PCDHA7: variants seen among roughly 807,000 people sequenced by gnomAD.
PCDHA7 encodes the protein protocadherin alpha 7, also known as protocadherin alpha-7.
In PCDHA7, 37 loss-of-function variants were observed where a neutral mutation model predicts 57.2. The ratio of observed to expected loss-of-function variants is 0.65; its 90% CI spans 0.50 to 0.85. The LOEUF (loss-of-function observed/expected upper bound fraction) is 0.85. PCDHA7 is among the 40% of genes least tolerant of loss of function. The probability of loss-of-function intolerance (pLI) is 0.00; values close to 1 mark genes in which losing one functional copy is unlikely to be tolerated. For missense variants in PCDHA7, 1,188 were observed against 1,241.8 expected, an observed-to-expected ratio of 0.96 and a Z score of 0.65; for synonymous variants, 553 against 558.8, an observed-to-expected ratio of 0.99 and a Z score of 0.15.
intron 3 of PCDHA7, among the ~76,000 whole-genome samples, chr5:140,994,116 T>C: frequency 6.6e-6 from 1 of 152,196 alleles, no homozygotes; most frequent in East Asian, 1.9e-4. Context: ...CATTGTCATG[T>C]GATAAGGGCG....
chr5:140,916,492 C>T (rs1310558218), intron 1 of PCDHA7, among the ~76,000 whole-genome samples: 2 of 152,170 alleles, frequency 1.3e-5, no homozygotes, highest in Admixed American at 6.5e-5. Context: ...GCTCTTTAGT[C>T]AGCAGGTGAT....
intron 1 of PCDHA7, chr5:140,849,905 G>C: frequency 6.3e-7 from 1 of 1,598,320 alleles, no homozygotes; most frequent in Non-Finnish European, 8.6e-7. Flanking sequence ...ACAACCCGCC[G>C]GGCTGCCACA....
At chr5:140,877,503 G>T in intron 1 of PCDHA7, 1 of 1,613,834 alleles carries the variant, frequency 6.2e-7, no homozygotes. Flanking sequence ...AGGCCCCAAA[G>T]ACGTCGTCGC....
At chr5:140,850,951 T>C in intron 1 of PCDHA7, 1 of 1,500,264 alleles carries the variant, frequency 6.7e-7, no homozygotes. Flanking sequence ...TATTATCGAT[T>C]ACTCCCAGGG....
At position 140,843,462 on chromosome 5, in the gene PCDHA7, C is replaced by A. The variant is rs557665140; in HGVS notation, c.2355+6724C>A. The A allele has an allele frequency of 3.1e-6, 5 of 1,595,930 alleles. 1 individual carries two copies. In the African/African-American group the frequency reaches 5.4e-5, roughly 17 times the overall value. On this transcript the variant is annotated intron_variant, in intron 1 of 3. Coordinates refer to ENST00000525929, the MANE Select transcript of PCDHA7 (RefSeq NM_018910.3). ...GCGGTATCCAGCCTGCTGGTGCTCACGCTGCTGCTGTACACTGCGCTGCGG... is the reference window on the plus strand; with the variant it reads ...GCGGTATCCAGCCTGCTGGTGCTCAAGCTGCTGCTGTACACTGCGCTGCGG...
rs1437399739 is a variant in PCDHA7, at chr5:140,853,000, TC to T, written c.2355+16265del. 9.7e-6 allele frequency: 3 copies of T among 308,008 alleles called. No homozygotes were observed. The East Asian group carries it at 5.1e-4, about 53-fold the overall frequency. 19.1% of individuals were successfully genotyped at this position (308,008 alleles called of 1,614,324 possible). ...TTCACGCCATTCTCCTGCCTCAGCC[TC>T]CCGAGTAGCTGGGACTACAGGCGCC... On this transcript the variant is annotated intron_variant, in intron 1 of 3. Transcript: ENST00000525929.
At chr5:140,990,084 C>T (rs31873) in intron 3 of PCDHA7, among the ~76,000 whole-genome samples, 3,615 of 152,028 alleles carry the variant, frequency 0.024, 147 homozygotes, top group African/African-American at 0.081. Flanking sequence ...ACAAAGGATG[C>T]TTGTGCTACT....
rs2150502964 is a variant in PCDHA7 at position 140,850,934 on chromosome 5, T to C, written c.2355+14196T>C. On this transcript the variant is annotated intron_variant, in intron 1 of 3. Transcript: ENST00000525929. ...TATTTATTTATATAATTTTTTTTCTTGAAAGATATTATCGATTACTCCCAG... is the reference window on the plus strand; with the variant it reads ...TATTTATTTATATAATTTTTTTTCTCGAAAGATATTATCGATTACTCCCAG... 3.0e-5 allele frequency: 45 copies of C among 1,514,272 alleles called. 2 individuals are homozygous for C. The South Asian group carries it at 5.0e-4, about 17-fold the overall frequency. The allele number at this position is 1,514,272 out of a possible 1,614,324, so 93.8% of individuals were successfully genotyped here.
At chr5:140,928,506 A>G (rs1554205940) in intron 1 of PCDHA7, 4 of 1,614,090 alleles carry the variant, frequency 2.5e-6, no homozygotes, top group African/African-American at 1.3e-5. Context: ...GAAGTGCAAC[A>G]GTGACTATAA....
At chr5:140,964,753 T>A (rs1411001872) in intron 1 of PCDHA7, among the ~76,000 whole-genome samples, 1 of 149,084 alleles carries the variant, frequency 6.7e-6, no homozygotes, top group East Asian at 1.9e-4. Context: ...TGTAGGGATG[T>A]TTGGGGAGGA....
At position 140,854,083 on chromosome 5, in the gene PCDHA7, G is replaced by T. The variant is rs545797216; in HGVS notation, c.2355+17345G>T. 8.5e-5 allele frequency: 23 copies of T among 269,910 alleles called. No individual in the cohort carries two copies. The East Asian group carries it at 3.2e-3, about 37-fold the overall frequency. The allele number at this position is 269,910 out of a possible 1,614,324, so 16.7% of individuals were successfully genotyped here. ...AGGCTGAGGCGAGAGAATCGCTTGA[G>T]CCTGGGACATTGAGGCTGCAGTGAA... On this transcript the variant is annotated intron_variant, in intron 1 of 3. Transcript: ENST00000525929.
chr5:141,006,067 A>G (rs1202024176), intron 3 of PCDHA7, among the ~76,000 whole-genome samples: 4 of 151,950 alleles, frequency 2.6e-5, no homozygotes, highest in Admixed American at 6.6e-5. Flanking sequence ...AGAAATAAAA[A>G]TCAGATTATT....
In PCDHA7 at chr5:140,877,219, C is replaced by T. The variant is rs200698690; in HGVS notation, c.2355+40481C>T. 9 of 1,613,720 alleles carry T rather than the reference C, an allele frequency of 5.6e-6. No homozygotes were observed. Among genetic ancestry groups the T allele is most frequent in the East Asian group, 4.5e-5 (2 of 44,860 alleles). Reference sequence around the variant, plus strand: ...AGGCGCAGTTAGCGAGTTGGTACCGCGGTCGGTGGGTGCGGGCCACGTGGT... The same window carrying T: ...AGGCGCAGTTAGCGAGTTGGTACCGTGGTCGGTGGGTGCGGGCCACGTGGT... On this transcript the variant is annotated intron_variant, in intron 1 of 3. Transcript: ENST00000525929.
chr5:140,877,767 C>T, intron 1 of PCDHA7: 1 of 1,614,166 alleles, frequency 6.2e-7, no homozygotes, highest in Non-Finnish European at 8.5e-7. Context: ...AGAGCCCGCC[C>T]AAGACGGACC....
intron 1 of PCDHA7, among the ~76,000 whole-genome samples, chr5:140,888,197 C>G (rs190439070): frequency 4.6e-5 from 7 of 152,044 alleles, no homozygotes; most frequent in Non-Finnish European, 8.8e-5. Flanking sequence ...TTTACATTGT[C>G]GGATGCTGGA....
At chr5:141,000,643 G>A (rs2097954450) in intron 3 of PCDHA7, among the ~76,000 whole-genome samples, 1 of 151,102 alleles carries the variant, frequency 6.6e-6, no homozygotes, top group Non-Finnish European at 1.5e-5. Context: ...GGGCAGGCTG[G>A]TCTCGAACTC....
intron 1 of PCDHA7, among the ~76,000 whole-genome samples, chr5:140,936,282 T>C (rs781971653): frequency 6.6e-6 from 1 of 152,250 alleles, no homozygotes; most frequent in Non-Finnish European, 1.5e-5. Context: ...CTGTGTTTTC[T>C]TCTATAACAT....
intron 1 of PCDHA7, 28 bp downstream of exon 1, chr5:140,836,766 C>A (rs2150269669): frequency 6.4e-7 from 1 of 1,562,092 alleles, no homozygotes; most frequent in South Asian, 1.2e-5. Flanking sequence ...TTGTTTCCAA[C>A]AATTTTAAAA....
intron 1 of PCDHA7, chr5:140,927,901 GC>G (rs1423958386): frequency 3.1e-6 from 5 of 1,614,084 alleles, no homozygotes; most frequent in Non-Finnish European, 4.2e-6. Context: ...GAACGATCAT[GC>G]CCCCGAACTG....
Sources: gnomAD v4.1 joint callset for allele counts (sites outside exome capture counted in the v4.1 genomes callset) on GRCh38, gnomAD v4.1.1 for gene constraint, MANE v1.5 for transcripts, NCBI Gene and HGNC (gene_info 2026-07-23, HGNC 2026-07-21) for gene names.